The following RFX1 variants were observed in gnomAD, a reference collection of about 807,000 sequenced individuals.
RFX1 encodes regulatory factor X1.
A neutral mutation model predicts 119.6 loss-of-function variants in RFX1; 42 were observed. That is an observed-to-expected ratio of 0.35 (90% CI 0.27 to 0.45). RFX1 has a LOEUF of 0.45. Ranked by LOEUF, RFX1 falls within the 20% of genes least tolerant of loss-of-function variation. The probability of loss-of-function intolerance (pLI) is 1.00; values close to 1 mark genes in which losing one functional copy is unlikely to be tolerated. For missense variants in RFX1, 1,118 were observed against 1,368.1 expected, an observed-to-expected ratio of 0.82 and a Z score of 2.88; for synonymous variants, 628 against 618.5, an observed-to-expected ratio of 1.02 and a Z score of -0.23.
intron 5 of RFX1, among the ~76,000 whole-genome samples, chr19:13,981,155 G>A (rs1038250531): frequency 1.3e-5 from 2 of 152,270 alleles, no homozygotes; most frequent in Non-Finnish European, 2.9e-5. Context: ...TGCAGGCGAT[G>A]AGGCACAGGG....
Position 13,972,995 on chromosome 19 carries a change from G to A in RFX1, c.1062C>T (p.Gly354=), listed in dbSNP as rs749092356. The change falls in exon 9 of 21, where the codon GGC becomes GGT. Residue 354 remains glycine (G), a synonymous_variant. Coordinates refer to ENST00000254325, the MANE Select transcript of RFX1 (RefSeq NM_002918.5). Reference sequence around the variant, plus strand: ...TGCCGGACACGTACATGGGCATGGAGCCACTGCTGGCCACCGCCTGGGAGG... The same window carrying A: ...TGCCGGACACGTACATGGGCATGGAACCACTGCTGGCCACCGCCTGGGAGG... ...PATSQAVASS[G]SMPMYVSGSQ... is the part of the protein sequence containing the mutation. 5 of 1,600,562 alleles carry A rather than the reference G, an allele frequency of 3.1e-6. No homozygotes were observed. The Admixed American group carries it at 6.7e-5, about 21-fold the overall frequency.
At chr19:13,962,908 G>A (rs1973749847) in intron 20 of RFX1, 44 bp from the exon 21 acceptor site, 4 of 1,538,738 alleles carry the variant, frequency 2.6e-6, no homozygotes, top group South Asian at 2.4e-5. Flanking sequence ...GGGTGGCAAC[G>A]CCCCCGGGCT....
Position 13,962,778 on chromosome 19 carries a change from C to A in RFX1, c.2857G>T (p.Gly953Cys). Reference sequence around the variant, plus strand: ...GCCGGCGGCTCCAGGGTCTCCGGGCCCAGCGCGGGTGACTCGCCGCCAGCC... The same window carrying A: ...GCCGGCGGCTCCAGGGTCTCCGGGCACAGCGCGGGTGACTCGCCGCCAGCC... ...LAAGGESPAL[G>C]PETLEPPAKL... The change falls in exon 21 of 21, where the codon GGC (glycine) becomes TGC (cysteine). Residue 953 changes from glycine (G) to cysteine (C), a missense_variant. Coordinates refer to ENST00000254325, the MANE Select transcript of RFX1 (RefSeq NM_002918.5). The A allele has an allele frequency of 6.5e-7, 1 of 1,530,418 alleles. No individual in the cohort carries two copies. Among genetic ancestry groups the A allele is most frequent in the Non-Finnish European group, 8.7e-7 (1 of 1,143,500 alleles). The allele number at this position is 1,530,418 out of a possible 1,614,324, so 94.8% of individuals were successfully genotyped here.
chr19:13,981,186 C>T (rs1449394646), intron 5 of RFX1, among the ~76,000 whole-genome samples: 1 of 152,250 alleles, frequency 6.6e-6, no homozygotes, highest in East Asian at 1.9e-4. Context: ...GCAGGCTGGC[C>T]ATAGAGCCCC....
Position 13,962,305 on chromosome 19 carries a change from A to C in RFX1, c.*390T>G. 4.4e-6 allele frequency: 1 copy of C among 226,232 alleles called. No individual in the cohort carries two copies. The highest frequency in any genetic ancestry group is 8.7e-6 in the Non-Finnish European group (1 of 114,380). 14.0% of individuals were successfully genotyped at this position (226,232 alleles called of 1,614,324 possible). Reference sequence around the variant, plus strand: ...GGCTGGGCCCAGGACAGGCTGTGCAAAGCCAGCGAGCTGAATAAGTTAACA... The same window carrying C: ...GGCTGGGCCCAGGACAGGCTGTGCACAGCCAGCGAGCTGAATAAGTTAACA... On this transcript the variant is annotated 3_prime_UTR_variant, in exon 21 of 21. Transcript: ENST00000254325.
rs778782579 is a variant in RFX1 at position 13,973,007 on chromosome 19, C to T, written c.1050G>A (p.Val350=). ...ACATGGGCATGGAGCCACTGCTGGC[C>T]ACCGCCTGGGAGGTGGCGGGGGTGC... ...QVSTPATSQA[V]ASSGSMPMYV... Residue 350 remains valine (V), a synonymous_variant, in exon 9 of 21, where the codon GTG becomes GTA. Coordinates refer to ENST00000254325, the MANE Select transcript of RFX1 (RefSeq NM_002918.5). 9.4e-6 allele frequency: 15 copies of T among 1,600,926 alleles called. No individual in the cohort carries two copies. The highest frequency in any genetic ancestry group is 2.2e-5 in the East Asian group (1 of 44,870).
In RFX1 at chr19:13,979,509, T is replaced by G; in HGVS notation, c.772A>C (p.Lys258Gln). ...SVVQATPQAP[K>Q]PGPVQPLTVQ... ...GTCAGCGGCTGCACCGGGCCGGGTT[T>G]GGGCGCTTGTGGAGTGGCCTGGACC... Residue 258 changes from lysine (K) to glutamine (Q), a missense_variant, in exon 7 of 21, where the codon AAA becomes CAA. Lys to Gln is a moderately conservative substitution (Grantham distance 53). This residue lies in a region of RFX1 where 542 missense variants were observed against 602.7 expected (regional missense o/e 0.90). Transcript: ENST00000254325. 1 of 1,604,070 alleles carries G rather than the reference T, an allele frequency of 6.2e-7. No homozygotes were observed. The highest frequency in any genetic ancestry group is 1.7e-5 in the Admixed American group (1 of 59,232).
chr19:13,993,963 T>A, intron 1 of RFX1, 68 bp from the exon 2 acceptor site: 1 of 883,908 alleles, frequency 1.1e-6, no homozygotes, highest in Non-Finnish European at 1.7e-6. Context: ...AAACAGGAAT[T>A]AATCCACAGG....
At chr19:13,989,344 G>C (rs1418227972) in intron 2 of RFX1, among the ~76,000 whole-genome samples, 1 of 152,096 alleles carries the variant, frequency 6.6e-6, no homozygotes, top group Non-Finnish European at 1.5e-5. Context: ...GGGGCACAGG[G>C]TGTGTGGAGC....
chr19:13,988,569 C>T (rs945955494), intron 2 of RFX1, among the ~76,000 whole-genome samples: 4 of 152,172 alleles, frequency 2.6e-5, no homozygotes, highest in Non-Finnish European at 5.9e-5. Flanking sequence ...CATGCAGGAG[C>T]TGATGGGACA....
intron 7 of RFX1, among the ~76,000 whole-genome samples, chr19:13,978,442 G>T (rs1974321749): frequency 6.6e-6 from 1 of 152,220 alleles, no homozygotes; most frequent in Non-Finnish European, 1.5e-5. Context: ...CAGGGGTGGG[G>T]CCTGGAAACC....
At chr19:13,970,494 C>T (rs557032840) in intron 9 of RFX1, among the ~76,000 whole-genome samples, 4 of 151,610 alleles carry the variant, frequency 2.6e-5, no homozygotes, top group African/African-American at 7.3e-5. Flanking sequence ...GACCCTGTCT[C>T]TACCAACGAA....
In RFX1 at chr19:13,990,137, A is replaced by G. The variant is rs910083174; in HGVS notation, c.319+3388T>C. ...CAGTGTGGGTAATGAGAGCTGGGAC[A>G]CAGGATGAGGCCATCGTTAAGGGAG... On this transcript the variant is annotated intron_variant, in intron 2 of 20. Transcript: ENST00000254325. This position sits in a 1 kb window ranked among gnomAD's most constrained non-coding sequence, Gnocchi z 4.1. Among the ~76,000 whole-genome samples, 2 of 152,152 alleles carry G rather than the reference A, an allele frequency of 1.3e-5. No individual in the cohort carries two copies. The highest frequency in any genetic ancestry group is 4.8e-5 in the African/African-American group (2 of 41,436).
intron 5 of RFX1, among the ~76,000 whole-genome samples, chr19:13,981,057 G>A (rs982893919): frequency 4.6e-5 from 7 of 152,178 alleles, no homozygotes. Flanking sequence ...TGCACTGAGC[G>A]CTTTAAATGT....
intron 2 of RFX1, among the ~76,000 whole-genome samples, chr19:13,988,721 T>A (rs1327961444): frequency 6.6e-6 from 1 of 152,122 alleles, no homozygotes; most frequent in Non-Finnish European, 1.5e-5. Context: ...TCAAGTAGTG[T>A]TAAGTGTTAA....
At chr19:13,963,354 C>G (rs1973779986) in intron 18 of RFX1, 79 bp from the exon 19 acceptor site, 9 of 1,501,800 alleles carry the variant, frequency 6.0e-6, no homozygotes, top group South Asian at 4.9e-5. Flanking sequence ...GCGATGCGCC[C>G]GGGCCTCGCG....
At position 13,979,500 on chromosome 19, in the gene RFX1, G is replaced by C. The variant is rs1443540268; in HGVS notation, c.781C>G (p.Pro261Ala). The C allele has an allele frequency of 6.2e-7, 1 of 1,604,348 alleles. No individual in the cohort carries two copies. Among genetic ancestry groups the C allele is most frequent in the Non-Finnish European group, 8.5e-7 (1 of 1,174,702 alleles). Residue 261 changes from proline to alanine, a missense_variant, in exon 7 of 21, where the codon CCG (proline) becomes GCG (alanine). Around this residue, in one of 5 missense-constraint regions of RFX1, gnomAD observed 542 missense variants for 602.7 expected, o/e 0.90. Coordinates refer to ENST00000254325, the MANE Select transcript of RFX1 (RefSeq NM_002918.5). ...CCCTGCACGGTCAGCGGCTGCACCG[G>C]GCCGGGTTTGGGCGCTTGTGGAGTG... Reference protein sequence around the residue: ...QATPQAPKPGPVQPLTVQGLQ... With the variant: ...QATPQAPKPGAVQPLTVQGLQ...
intron 1 of RFX1, among the ~76,000 whole-genome samples, chr19:13,999,207 CCTTT>C (rs1975132386): frequency 6.6e-6 from 1 of 152,096 alleles, no homozygotes; most frequent in Non-Finnish European, 1.5e-5. Context: ...GCGTGAGAAC[CCTTT>C]CTTTATGGAG....
At chr19:14,005,674 G>A (rs1403817478) in intron 1 of RFX1, among the ~76,000 whole-genome samples, 1 of 152,204 alleles carries the variant, frequency 6.6e-6, no homozygotes, top group Non-Finnish European at 1.5e-5. Flanking sequence ...GGACCGGGTG[G>A]TGGCTGCCCA....
Sources: gnomAD v4.1 joint callset for allele counts (sites outside exome capture counted in the v4.1 genomes callset) on GRCh38, gnomAD v4.1.1 for gene constraint, gnomAD v4.1.1 regional missense constraint, Gnocchi (gnomAD v3.1) non-coding constraint, MANE v1.5 for transcripts, NCBI Gene and HGNC (gene_info 2026-07-23, HGNC 2026-07-21) for gene names.